The following UNC5D variants were observed in gnomAD, a reference collection of about 807,000 sequenced individuals.
UNC5D encodes unc-5 netrin receptor D.
Under a neutral mutation model 105.4 loss-of-function variants are expected in UNC5D, and 39 were observed. The observed-to-expected ratio is 0.37, with a 90% CI of 0.29 to 0.48. The LOEUF is 0.48. Ranked by LOEUF, UNC5D falls within the 20% of genes least tolerant of loss-of-function variation. The probability of loss-of-function intolerance (pLI) is 0.98; values close to 1 mark genes in which losing one functional copy is unlikely to be tolerated. For missense variants in UNC5D, 991 were observed against 1,202.4 expected, an observed-to-expected ratio of 0.82 and a Z score of 2.60; for synonymous variants, 452 against 450.4, an observed-to-expected ratio of 1.00 and a Z score of -0.04.
intron 1 of UNC5D, among the ~76,000 whole-genome samples, chr8:35,285,126 A>G (rs1256792250): frequency 2.0e-5 from 3 of 152,226 alleles, no homozygotes; most frequent in Non-Finnish European, 4.4e-5. Context: ...CACAAATTGT[A>G]TAATCATAAG....
chr8:35,489,295 A>C (rs1367164057), intron 1 of UNC5D, among the ~76,000 whole-genome samples: 5 of 152,128 alleles, frequency 3.3e-5, no homozygotes. Flanking sequence ...AGTATGAGCC[A>C]CTGTGCCTGG....
chr8:35,789,377 A>T (rs1313767615), intron 16 of UNC5D, among the ~76,000 whole-genome samples: 1 of 151,402 alleles, frequency 6.6e-6, no homozygotes, highest in Non-Finnish European at 1.5e-5. Flanking sequence ...AAAGTGACAG[A>T]GTATAAATTA....
At chr8:35,697,307 C>A (rs1826855816) in intron 7 of UNC5D, among the ~76,000 whole-genome samples, 1 of 151,102 alleles carries the variant, frequency 6.6e-6, no homozygotes, top group Non-Finnish European at 1.5e-5. Flanking sequence ...AAAATAACAC[C>A]ACTGACATGT....
chr8:35,339,499 G>A (rs1585621645), intron 1 of UNC5D, among the ~76,000 whole-genome samples: 3 of 152,342 alleles, frequency 2.0e-5, no homozygotes, highest in Middle Eastern at 3.4e-3. Context: ...TGGAAGGAAG[G>A]CTAGTTCTCC....
intron 1 of UNC5D, among the ~76,000 whole-genome samples, chr8:35,388,361 C>T (rs1371838762): frequency 1.3e-5 from 2 of 151,894 alleles, no homozygotes; most frequent in Non-Finnish European, 2.9e-5. Context: ...GAAACCCCAT[C>T]TCGAAAAAAA....
intron 11 of UNC5D, among the ~76,000 whole-genome samples, chr8:35,746,431 A>T (rs1830010890): frequency 6.7e-6 from 1 of 149,460 alleles, no homozygotes; most frequent in Non-Finnish European, 1.5e-5. Flanking sequence ...TTGTTCCTTC[A>T]CCAGAGAGAG....
chr8:35,734,497 G>A (rs913151652), intron 11 of UNC5D, among the ~76,000 whole-genome samples: 3 of 151,944 alleles, frequency 2.0e-5, no homozygotes, highest in Admixed American at 6.6e-5. Context: ...TGCAACCTCC[G>A]CCTTCTGGGT....
chr8:35,654,862 C>T (rs1823636291), intron 4 of UNC5D, among the ~76,000 whole-genome samples: 1 of 152,108 alleles, frequency 6.6e-6, no homozygotes. Context: ...TAACTTGTAT[C>T]ATTCTTCTGC....
intron 11 of UNC5D, among the ~76,000 whole-genome samples, chr8:35,734,675 G>A (rs571269297): frequency 6.6e-6 from 1 of 152,160 alleles, no homozygotes. Flanking sequence ...ATCCCCAAGT[G>A]CTGGGATTAT....
chr8:35,319,458 T>C (rs536645033), intron 1 of UNC5D, among the ~76,000 whole-genome samples: 1 of 152,264 alleles, frequency 6.6e-6, no homozygotes, highest in African/African-American at 2.4e-5. Flanking sequence ...AAGGTCAGAT[T>C]AATTTGTATT....
chr8:35,235,830 C>G lies in UNC5D; in HGVS notation c.46C>G (p.Arg16Gly). 8.1e-7 allele frequency: 1 copy of G among 1,230,270 alleles called. No homozygotes were observed. Among genetic ancestry groups the G allele is most frequent in the Non-Finnish European group, 1.0e-6 (1 of 986,700 alleles). The allele number at this position is 1,230,270 out of a possible 1,614,324, so 76.2% of individuals were successfully genotyped here. The change falls in exon 1 of 17, where the codon CGC becomes GGC. Residue 16 changes from arginine to glycine, a missense_variant. Arg to Gly is a moderately radical substitution (Grantham distance 125). Around this residue, in one of 3 missense-constraint regions of UNC5D, gnomAD observed 944 missense variants for 1,131.6 expected, o/e 0.83. Transcript: ENST00000404895. ...CGCAGGCGGCGGCGGAGGGGCGCGC[C>G]GCTGGCTCCCGTGGCTGGGGCTGTG... ...ATAGGGGGAR[R>G]WLPWLGLCFW...
chr8:35,651,709 T>C (rs139605335), intron 4 of UNC5D, among the ~76,000 whole-genome samples: 118 of 152,334 alleles, frequency 7.7e-4, no homozygotes, highest in African/African-American at 2.6e-3. Context: ...CTATATATAA[T>C]GTATCCCCAT....
At position 35,793,020 on chromosome 8, in the gene UNC5D, A is replaced by G. The variant is rs1803114734; in HGVS notation, c.*2457A>G. 1 of 454,608 alleles carries G rather than the reference A, an allele frequency of 2.2e-6. No individual in the cohort carries two copies. The allele number at this position is 454,608 out of a possible 1,614,324, so 28.2% of individuals were successfully genotyped here. On this transcript the variant is annotated 3_prime_UTR_variant, in exon 17 of 17. Coordinates refer to ENST00000404895, the MANE Select transcript of UNC5D (RefSeq NM_080872.4). Reference sequence around the variant, plus strand: ...ATAAACAACTTGAACATCATATCATATAGGATAACAAAGGAGGAAGTTAAC... The same window carrying G: ...ATAAACAACTTGAACATCATATCATGTAGGATAACAAAGGAGGAAGTTAAC...
At chr8:35,666,266 A>G (rs1824415132) in intron 4 of UNC5D, among the ~76,000 whole-genome samples, 1 of 152,152 alleles carries the variant, frequency 6.6e-6, no homozygotes, top group Middle Eastern at 3.2e-3. Flanking sequence ...AGGCATCACT[A>G]AAGTCAAATA....
chr8:35,409,243 T>A (rs992116719), intron 1 of UNC5D, among the ~76,000 whole-genome samples: 2 of 152,072 alleles, frequency 1.3e-5, no homozygotes, highest in Admixed American at 1.3e-4. Flanking sequence ...CGTCTTCATT[T>A]TTCTGGGGTA....
chr8:35,340,387 A>G (rs190230419), intron 1 of UNC5D, among the ~76,000 whole-genome samples: 34 of 152,304 alleles, frequency 2.2e-4, no homozygotes, highest in African/African-American at 7.9e-4. Context: ...ACATGGCTCT[A>G]TGTGGACCAG....
At chr8:35,775,011 G>T (rs764863532) in intron 16 of UNC5D, among the ~76,000 whole-genome samples, 22 of 151,326 alleles carry the variant, frequency 1.5e-4, no homozygotes, top group Non-Finnish European at 2.9e-4. Context: ...CCCTACTTTG[G>T]TTCTGGTACC....
intron 1 of UNC5D, among the ~76,000 whole-genome samples, chr8:35,538,583 A>G (rs1815043875): frequency 6.6e-6 from 1 of 151,632 alleles, no homozygotes; most frequent in South Asian, 2.1e-4. Flanking sequence ...GCAGAAGAGA[A>G]AAAGGATCCA....
At chr8:35,647,416 G>GTT (rs1240817833) in intron 4 of UNC5D, among the ~76,000 whole-genome samples, 1 of 151,976 alleles carries the variant, frequency 6.6e-6, no homozygotes, top group Non-Finnish European at 1.5e-5. Flanking sequence ...GTGTGTGTGT[G>GTT]TGATGCTTAT....
Sources: gnomAD v4.1 joint callset for allele counts (sites outside exome capture counted in the v4.1 genomes callset) on GRCh38, gnomAD v4.1.1 for gene constraint, gnomAD v4.1.1 regional missense constraint, MANE v1.5 for transcripts, NCBI Gene and HGNC (gene_info 2026-07-23, HGNC 2026-07-21) for gene names.